ADAMTS6: variants seen among roughly 807,000 people sequenced by gnomAD.
The protein encoded by ADAMTS6 is A disintegrin and metalloproteinase with thrombospondin motifs 6.
Under a neutral mutation model 144.3 loss-of-function variants are expected in ADAMTS6, and 23 were observed. The observed-to-expected ratio is 0.16, with a 90% CI of 0.11 to 0.23. ADAMTS6 has a LOEUF of 0.23. ADAMTS6 is among the 10% of genes least tolerant of loss of function. The probability of loss-of-function intolerance (pLI) is 1.00; values close to 1 mark genes in which losing one functional copy is unlikely to be tolerated. For missense variants in ADAMTS6, 999 were observed against 1,379.6 expected (o/e 0.72, Z 4.37); for synonymous variants, 444 against 457.5 (o/e 0.97, Z 0.38).
chr5:65,192,555 T>C (rs1755081659), intron 21 of ADAMTS6, among the ~76,000 whole-genome samples: 1 of 151,988 alleles, frequency 6.6e-6, no homozygotes, highest in Non-Finnish European at 1.5e-5. Context: ...TGGTAAAAAC[T>C]TAACTCAGCC....
intron 9 of ADAMTS6, among the ~76,000 whole-genome samples, chr5:65,308,275 G>A (rs997630731): frequency 7.2e-5 from 11 of 152,132 alleles, no homozygotes; most frequent in African/African-American, 2.7e-4. Context: ...AAGAACTACT[G>A]GTGCCTATGC....
At chr5:65,283,818 G>A (rs1204331365) in intron 11 of ADAMTS6, among the ~76,000 whole-genome samples, 1 of 152,040 alleles carries the variant, frequency 6.6e-6, no homozygotes, top group Non-Finnish European at 1.5e-5. Context: ...CCTTCCAGCT[G>A]TAAAAATTAA....
At chr5:65,309,380 G>C (rs1419634691) in intron 9 of ADAMTS6, among the ~76,000 whole-genome samples, 1 of 151,124 alleles carries the variant, frequency 6.6e-6, no homozygotes, top group Non-Finnish European at 1.5e-5. Flanking sequence ...GTTCACAAAA[G>C]GGCTCTCGCT....
intron 7 of ADAMTS6, among the ~76,000 whole-genome samples, chr5:65,351,589 A>G (rs564230698): frequency 2.0e-5 from 3 of 152,292 alleles, no homozygotes; most frequent in African/African-American, 7.2e-5. Context: ...TGACCTTATT[A>G]TATGTGGAGC....
At chr5:65,175,261 GGAGAGA>G (rs372773284) in intron 22 of ADAMTS6, among the ~76,000 whole-genome samples, 3 of 148,370 alleles carry the variant, frequency 2.0e-5, no homozygotes, top group African/African-American at 5.0e-5. Flanking sequence ...AGGGAGTCAA[GGAGAGA>G]GAGAGAGAGA....
At chr5:65,164,311 C>T (rs907298718) in intron 24 of ADAMTS6, among the ~76,000 whole-genome samples, 15 of 152,076 alleles carry the variant, frequency 9.9e-5, no homozygotes, top group African/African-American at 2.9e-4. Flanking sequence ...CCGAATATTG[C>T]GCTTTTCAGA....
intron 7 of ADAMTS6, among the ~76,000 whole-genome samples, chr5:65,388,226 T>C (rs1314889722): frequency 6.6e-6 from 1 of 152,020 alleles, no homozygotes; most frequent in Non-Finnish European, 1.5e-5. Flanking sequence ...AAAAAAGAAT[T>C]TGTACAATAA....
intron 12 of ADAMTS6, among the ~76,000 whole-genome samples, chr5:65,270,324 C>G (rs1235575595): frequency 6.6e-6 from 1 of 152,064 alleles, no homozygotes; most frequent in African/African-American, 2.4e-5. Flanking sequence ...CTCCATTTGG[C>G]AACAGTAAAT....
intron 7 of ADAMTS6, among the ~76,000 whole-genome samples, chr5:65,364,223 A>G (rs768009857): frequency 1.3e-5 from 2 of 152,216 alleles, no homozygotes; most frequent in Non-Finnish European, 2.9e-5. Flanking sequence ...GCTAAGTACA[A>G]GGACTATTTT....
At chr5:65,350,275 T>G (rs1748733321) in intron 7 of ADAMTS6, among the ~76,000 whole-genome samples, 1 of 152,240 alleles carries the variant, frequency 6.6e-6, no homozygotes, top group Non-Finnish European at 1.5e-5. Context: ...TGTCTGACCT[T>G]CAGTGAAGAT....
At chr5:65,422,342 G>T (rs932187251) in intron 7 of ADAMTS6, among the ~76,000 whole-genome samples, 1 of 152,180 alleles carries the variant, frequency 6.6e-6, no homozygotes, top group Non-Finnish European at 1.5e-5. Context: ...GATGAAAAGG[G>T]AACACTTTGC....
At chr5:65,399,853 T>C (rs924121510) in intron 7 of ADAMTS6, among the ~76,000 whole-genome samples, 1 of 152,206 alleles carries the variant, frequency 6.6e-6, no homozygotes, top group African/African-American at 2.4e-5. Context: ...ATTCCTTCAA[T>C]GATGCTCTTC....
chr5:65,371,539 A>T (rs1426121262), intron 7 of ADAMTS6, among the ~76,000 whole-genome samples: 1 of 152,208 alleles, frequency 6.6e-6, no homozygotes, highest in African/African-American at 2.4e-5. Flanking sequence ...AGATGAAGTG[A>T]ATGAAATGAA....
At chr5:65,332,312 T>TATATATATAG (rs1384467152) in intron 8 of ADAMTS6, among the ~76,000 whole-genome samples, 22 of 102,114 alleles carry the variant, frequency 2.2e-4, no homozygotes, top group Admixed American at 5.9e-4. Context: ...TATATATATA[T>TATATATATAG]AGAGAGAGAG....
intron 9 of ADAMTS6, among the ~76,000 whole-genome samples, chr5:65,305,989 C>T (rs1022628539): frequency 1.6e-4 from 25 of 152,168 alleles, no homozygotes; most frequent in South Asian, 4.1e-4. Context: ...TCTTGGACAA[C>T]GAACAGGTTA....
chr5:65,191,618 T>C (rs183735438), intron 21 of ADAMTS6, among the ~76,000 whole-genome samples: 1 of 152,146 alleles, frequency 6.6e-6, no homozygotes, highest in East Asian at 1.9e-4. Flanking sequence ...TAAATTATTG[T>C]CTACTTACAA....
intron 3 of ADAMTS6, among the ~76,000 whole-genome samples, chr5:65,466,914 A>T (rs373457117): frequency 1.3e-5 from 2 of 151,638 alleles, no homozygotes; most frequent in African/African-American, 4.8e-5. Flanking sequence ...TAGTGGCGGG[A>T]GCCTGTAGTC....
At chr5:65,296,746 T>C (rs1742878585) in intron 10 of ADAMTS6, among the ~76,000 whole-genome samples, 1 of 152,240 alleles carries the variant, frequency 6.6e-6, no homozygotes, top group Admixed American at 6.5e-5. Context: ...CTTCTCTTAA[T>C]ACGTTCAGCT....
intron 22 of ADAMTS6, among the ~76,000 whole-genome samples, chr5:65,174,204 G>A (rs1244217879): frequency 6.6e-6 from 1 of 152,182 alleles, no homozygotes; most frequent in Non-Finnish European, 1.5e-5. Context: ...GGAGACGTGA[G>A]TCTTGCTGAA....
Sources: allele counts gnomAD v4.1 joint callset (sites outside exome capture counted in the v4.1 genomes callset), GRCh38; gene constraint gnomAD v4.1.1; transcripts MANE v1.5; gene names NCBI Gene and HGNC (gene_info 2026-07-23, HGNC 2026-07-21).